MALRD1: variants seen among roughly 807,000 people sequenced by gnomAD.
The protein encoded by MALRD1 is MAM and LDL receptor class A domain containing 1.
In MALRD1, 247 loss-of-function variants were observed where a neutral mutation model predicts 242.1. The observed-to-expected ratio is 1.02, with a 90% CI of 0.92 to 1.13. The LOEUF (loss-of-function observed/expected upper bound fraction) is 1.13. Ranked by LOEUF, MALRD1 falls within the 50% of genes most tolerant of loss-of-function variation. MALRD1 has a pLI of 0.00. For synonymous variants in MALRD1, 995 were observed against 866.6 expected (o/e 1.15, Z -2.60); for missense variants, 2,989 against 2,533.1 (o/e 1.18, Z -3.86).
At chr10:19,419,104 T>C (rs1020502367) in intron 28 of MALRD1, among the ~76,000 whole-genome samples, 5 of 152,124 alleles carry the variant, frequency 3.3e-5, no homozygotes, top group South Asian at 2.1e-4. Context: ...CCTTTCCACA[T>C]CTCCATCCTT....
chr10:19,595,351 C>G lies in MALRD1; in HGVS notation c.5838C>G (p.Leu1946=). Residue 1946 remains leucine, a synonymous_variant, in exon 34 of 40, where the codon CTC becomes CTG. Coordinates refer to ENST00000454679, the MANE Select transcript of MALRD1 (RefSeq NM_001142308.3). ...MDCPLSPTPP[L]CSNMEFPCST... ...GTCCTCTCAGCCCCACCCCTCCACT[C>G]TGTAGTAACATGGAGTTCCCGTGCT... The G allele has an allele frequency of 3.9e-6, 6 of 1,550,758 alleles. No individual in the cohort carries two copies. The highest frequency in any genetic ancestry group is 5.2e-6 in the Non-Finnish European group (6 of 1,146,982).
At chr10:19,270,929 C>T (rs72796441) in intron 19 of MALRD1, among the ~76,000 whole-genome samples, 11,972 of 151,826 alleles carry the variant, frequency 0.079, 609 homozygotes, top group Non-Finnish European at 0.11. Context: ...CAGAAAGACA[C>T]AAAATGAGCT....
chr10:19,238,449 T>A (rs867965315), intron 18 of MALRD1, among the ~76,000 whole-genome samples: 7 of 49,264 alleles, frequency 1.4e-4, no homozygotes, highest in African/African-American at 2.2e-4. Flanking sequence ...TAATATACAT[T>A]ATATATAATA....
At chr10:19,515,441 A>C (rs1023673699) in intron 31 of MALRD1, among the ~76,000 whole-genome samples, 12 of 152,178 alleles carry the variant, frequency 7.9e-5, no homozygotes, top group Non-Finnish European at 1.5e-5. Flanking sequence ...TGTAATGAGA[A>C]ACTGTAGAAG....
At chr10:19,638,615 G>T (rs1840253082) in intron 36 of MALRD1, among the ~76,000 whole-genome samples, 1 of 152,172 alleles carries the variant, frequency 6.6e-6, no homozygotes, top group African/African-American at 2.4e-5. Context: ...GAGACCTACT[G>T]TTCTATTAAA....
chr10:19,370,050 G>A (rs1439591240), intron 26 of MALRD1, among the ~76,000 whole-genome samples: 1 of 151,932 alleles, frequency 6.6e-6, no homozygotes, highest in African/African-American at 2.4e-5. Flanking sequence ...TTTACATATA[G>A]GCCTCTGATT....
intron 26 of MALRD1, among the ~76,000 whole-genome samples, chr10:19,357,488 G>A (rs567009227): frequency 6.6e-6 from 1 of 152,124 alleles, no homozygotes; most frequent in Non-Finnish European, 1.5e-5. Flanking sequence ...TATTAAGCAC[G>A]TTTCTTTTAT....
intron 36 of MALRD1, among the ~76,000 whole-genome samples, chr10:19,630,807 A>G (rs1438781367): frequency 6.6e-6 from 1 of 152,148 alleles, no homozygotes; most frequent in South Asian, 2.1e-4. Context: ...AAATTGCCCT[A>G]GCAAACAAAT....
chr10:19,377,638 TA>T (rs1845665543), intron 26 of MALRD1, among the ~76,000 whole-genome samples: 1 of 90,064 alleles, frequency 1.1e-5, no homozygotes, highest in South Asian at 2.8e-4. Flanking sequence ...CAGTCATAAT[TA>T]TTTTTTTTTC....
chr10:19,312,182 C>T (rs773401452), intron 21 of MALRD1, among the ~76,000 whole-genome samples: 12 of 151,284 alleles, frequency 7.9e-5, no homozygotes, highest in East Asian at 2.0e-4. Context: ...AATGGCACCA[C>T]GTGAATTCCC....
intron 36 of MALRD1, among the ~76,000 whole-genome samples, chr10:19,683,208 T>C (rs1184735025): frequency 6.6e-6 from 1 of 152,138 alleles, no homozygotes; most frequent in Non-Finnish European, 1.5e-5. Context: ...GGCAGTCACT[T>C]TTTACTCTTT....
intron 28 of MALRD1, among the ~76,000 whole-genome samples, chr10:19,445,590 G>T (rs575189174): frequency 3.3e-4 from 50 of 152,312 alleles, no homozygotes; most frequent in African/African-American, 1.1e-3. Context: ...TGTTTACCTG[G>T]GTATCACCAG....
intron 24 of MALRD1, among the ~76,000 whole-genome samples, chr10:19,336,129 A>C (rs1843602552): frequency 6.6e-6 from 1 of 152,216 alleles, no homozygotes; most frequent in Admixed American, 6.5e-5. Flanking sequence ...GAATCTATAA[A>C]AAAGTAATTT....
chr10:19,103,561 A>AT (rs1564393375), intron 4 of MALRD1, among the ~76,000 whole-genome samples: 10 of 146,830 alleles, frequency 6.8e-5, no homozygotes, highest in African/African-American at 2.4e-4. Flanking sequence ...CAAAAAAAAA[A>AT]AAAATAAATA....
At chr10:19,289,497 G>GTCA (rs895074820) in intron 21 of MALRD1, among the ~76,000 whole-genome samples, 3 of 152,102 alleles carry the variant, frequency 2.0e-5, no homozygotes, top group African/African-American at 7.2e-5. Flanking sequence ...ATGCTTAATG[G>GTCA]TCAGATAATA....
intron 34 of MALRD1, among the ~76,000 whole-genome samples, chr10:19,596,651 G>A (rs911649794): frequency 9.9e-5 from 15 of 152,004 alleles, no homozygotes; most frequent in African/African-American, 3.1e-4. Flanking sequence ...GGATTGCTTG[G>A]GCCCAGGAGT....
intron 32 of MALRD1, among the ~76,000 whole-genome samples, chr10:19,545,823 A>G (rs943918188): frequency 6.6e-6 from 1 of 152,282 alleles, no homozygotes; most frequent in East Asian, 1.9e-4. Flanking sequence ...GTCCTCTGGC[A>G]CTGTGGTCTT....
intron 21 of MALRD1, among the ~76,000 whole-genome samples, chr10:19,300,762 A>G (rs1356230044): frequency 6.6e-6 from 1 of 152,088 alleles, no homozygotes; most frequent in Non-Finnish European, 1.5e-5. Context: ...GAATCCTTAG[A>G]AGAAATCCTA....
In MALRD1 at chr10:19,417,769, G is replaced by A. The variant is rs574391993; in HGVS notation, c.4845+28160G>A. ...CACCTTGAGCAGCAGTTAATTGAGCGTAGTTTTAACTCACTAATTCAATAC... is the reference window on the plus strand; with the variant it reads ...CACCTTGAGCAGCAGTTAATTGAGCATAGTTTTAACTCACTAATTCAATAC... On this transcript the variant is annotated intron_variant, in intron 28 of 39. Transcript: ENST00000454679. Among the ~76,000 whole-genome samples, 412 of 152,204 alleles carry A rather than the reference G, an allele frequency of 2.7e-3. 4 individuals carry two copies. The highest frequency in any genetic ancestry group is 4.7e-3 in the Non-Finnish European group (320 of 68,008).
Sources: gnomAD v4.1 joint callset for allele counts (sites outside exome capture counted in the v4.1 genomes callset) on GRCh38, gnomAD v4.1.1 for gene constraint, MANE v1.5 for transcripts, NCBI Gene and HGNC (gene_info 2026-07-23, HGNC 2026-07-21) for gene names.